Variants in ALOX15B observed in about 807,000 individuals in gnomAD.
The protein encoded by ALOX15B is polyunsaturated fatty acid lipoxygenase ALOX15B.
Under a neutral mutation model 73.8 loss-of-function variants are expected in ALOX15B, and 74 were observed. That is an observed-to-expected ratio of 1.00 (90% CI 0.83 to 1.22). The LOEUF (loss-of-function observed/expected upper bound fraction) is 1.22. Ranked by LOEUF, ALOX15B falls within the 50% of genes most tolerant of loss-of-function variation. The pLI is 0.00. For missense variants in ALOX15B, 896 were observed against 859.9 expected (o/e 1.04, Z -0.52); for synonymous variants, 353 against 357.2 (o/e 0.99, Z 0.13).
rs1381745303 is a variant in ALOX15B, at chr17:8,040,580, G to A, written c.449+597G>A. ...AAAAAAAGGAAGGAAGGAAAAGGAA[G>A]GAAAGAGAGAAAGAAAGAGAGAGAA... On this transcript the variant is annotated intron_variant, in intron 3 of 13. Coordinates refer to ENST00000380183, the MANE Select transcript of ALOX15B (RefSeq NM_001141.3). Among the ~76,000 whole-genome samples the A allele has an allele frequency of 8.7e-3, 767 of 87,732 alleles. 6 individuals are homozygous for A. The highest frequency in any genetic ancestry group is 0.034 in the African/African-American group (708 of 21,028). The allele number at this position is 87,732 out of a possible 152,430, so 57.6% of individuals were successfully genotyped here.
chr17:8,045,118 T>C, intron 6 of ALOX15B, 117 bp downstream of exon 6: 1 of 1,585,474 alleles, frequency 6.3e-7, no homozygotes, highest in Admixed American at 1.7e-5. Context: ...GCGTGCTGCG[T>C]GCCAAGCACA....
intron 3 of ALOX15B, among the ~76,000 whole-genome samples, chr17:8,041,413 C>G (rs1490001218): frequency 6.6e-6 from 1 of 152,200 alleles, no homozygotes; most frequent in African/African-American, 2.4e-5. Context: ...TTCCAACACT[C>G]TAGGCTCTTA....
chr17:8,047,596 C>G lies in ALOX15B; in HGVS notation c.1612C>G (p.Leu538Val), dbSNP rs1371642580. The change falls in exon 12 of 14, where the codon CTG becomes GTG. Residue 538 changes from leucine to valine, a missense_variant. Leu to Val is a conservative substitution (Grantham distance 32, BLOSUM62 1). Transcript: ENST00000380183. ...IPSSLETREALVQYVTMVIFT... is the reference protein window; with the variant it reads ...IPSSLETREAVVQYVTMVIFT... ...CTCCTCACTGGAGACCCGGGAAGCC[C>G]TGGTGCAGTATGTCACCATGGTGAT... The G allele has an allele frequency of 1.2e-6, 2 of 1,609,838 alleles. No individual in the cohort carries two copies. Among genetic ancestry groups the G allele is most frequent in the Non-Finnish European group, 1.7e-6 (2 of 1,178,016 alleles).
Position 8,048,737 on chromosome 17 carries a change from C to G in ALOX15B, c.*172C>G. On this transcript the variant is annotated 3_prime_UTR_variant, in exon 14 of 14. Coordinates refer to ENST00000380183, the MANE Select transcript of ALOX15B (RefSeq NM_001141.3). ...CCATACACACACACAAAAACAGAAA[C>G]AAAATCAAAACAGAGAAAGCAGAAA... 1 of 639,816 alleles carries G rather than the reference C, an allele frequency of 1.6e-6. No individual in the cohort carries two copies. Among genetic ancestry groups the G allele is most frequent in the Non-Finnish European group, 2.5e-6 (1 of 399,634 alleles). 39.6% of individuals were successfully genotyped at this position (639,816 alleles called of 1,614,324 possible).
chr17:8,047,963 G>A (rs1035851290), intron 13 of ALOX15B, 48 bp downstream of exon 13: 1 of 1,595,688 alleles, frequency 6.3e-7, no homozygotes, highest in Non-Finnish European at 8.5e-7. Context: ...GGGTAAGAGA[G>A]GGTGTGATGT....
In ALOX15B at chr17:8,040,601, G is replaced by GAGAGAGAGAGAA. The variant is rs1555638441; in HGVS notation, c.449+621_449+622insGAGAGAGAAAGA. On this transcript the variant is annotated intron_variant, in intron 3 of 13. Coordinates refer to ENST00000380183, the MANE Select transcript of ALOX15B (RefSeq NM_001141.3). ...GGAAGGAAAGAGAGAAAGAAAGAGA[G>GAGAGAGAGAGAA]AGAAAGAAAGAAAGAAAGAAAGAAA... Among the ~76,000 whole-genome samples, 20 of 109,526 alleles carry GAGAGAGAGAGAA rather than the reference G, an allele frequency of 1.8e-4. No individual in the cohort carries two copies. In the South Asian group the frequency reaches 5.5e-3, roughly 30 times the overall value. 71.9% of individuals were successfully genotyped at this position (109,526 alleles called of 152,430 possible).
At chr17:8,040,256 C>T (rs1449499125) in intron 3 of ALOX15B, among the ~76,000 whole-genome samples, 2 of 152,084 alleles carry the variant, frequency 1.3e-5, no homozygotes, top group Non-Finnish European at 2.9e-5. Context: ...AAACACTGCT[C>T]TAGGGCCAGG....
chr17:8,039,795 T>TG, intron 2 of ALOX15B, 107 bp from the exon 3 acceptor site: 1 of 1,276,700 alleles, frequency 7.8e-7, no homozygotes. Flanking sequence ...ACTGTACTTA[T>TG]GGGAGGAGGG....
At position 8,039,417 on chromosome 17, in the gene ALOX15B, A is replaced by G; in HGVS notation, c.179A>G (p.Asp60Gly). The change falls in exon 2 of 14, where the codon GAC becomes GGC. Residue 60 changes from aspartate to glycine, a missense_variant. Transcript: ENST00000380183. ...GACTTCCAGGTGACGCTCCCGGAGG[A>G]CGTAGGCCGAGTGCTGCTGCTGCGC... Reference protein sequence around the residue: ...EEDFQVTLPEDVGRVLLLRVH... With the variant: ...EEDFQVTLPEGVGRVLLLRVH... 6.2e-7 allele frequency: 1 copy of G among 1,612,838 alleles called. No homozygotes were observed.
chr17:8,046,954 C>T lies in ALOX15B; in HGVS notation c.1335C>T (p.Asn445=). The stretch of plus-strand genomic sequence containing the variant: ...GCTTCTCTGAGTTGATACAGAGGAA[C>T]ATGAAGCAGCTGAACTATTCTCTCC... ...IEGFSELIQR[N]MKQLNYSLLC... The change falls in exon 10 of 14, where the codon AAC becomes AAT. Residue 445 remains asparagine (N), a synonymous_variant. Transcript: ENST00000380183. The T allele has an allele frequency of 1.2e-6, 2 of 1,614,186 alleles. No homozygotes were observed. Among genetic ancestry groups the T allele is most frequent in the Non-Finnish European group, 1.7e-6 (2 of 1,180,036 alleles).
In ALOX15B at chr17:8,048,886, G is replaced by A. The variant is rs564045832; in HGVS notation, c.*321G>A. On this transcript the variant is annotated 3_prime_UTR_variant, in exon 14 of 14. Transcript: ENST00000380183. Reference sequence around the variant, plus strand: ...TGGTTTTGTTTTGCGTTTTACAGCCGTGGGGGGAAGCACATAATCCCGCCC... The same window carrying A: ...TGGTTTTGTTTTGCGTTTTACAGCCATGGGGGGAAGCACATAATCCCGCCC... 1.0e-4 allele frequency: 23 copies of A among 220,762 alleles called. No individual in the cohort carries two copies. The highest frequency in any genetic ancestry group is 9.4e-4 in the South Asian group (8 of 8,538). The allele number at this position is 220,762 out of a possible 1,614,324, so 13.7% of individuals were successfully genotyped here. A position where few individuals can be genotyped will look rare whatever the true frequency, so the allele number is the denominator to read the frequency against.
intron 10 of ALOX15B, 55 bp from the exon 11 acceptor site, chr17:8,047,203 A>T: frequency 6.2e-7 from 1 of 1,611,386 alleles, no homozygotes; most frequent in Non-Finnish European, 8.5e-7. Flanking sequence ...AAGCAGAGGC[A>T]TTCCTCAGAG....
At chr17:8,048,346 C>A in intron 13 of ALOX15B, 40 bp from the exon 14 acceptor site, 4 of 1,584,062 alleles carry the variant, frequency 2.5e-6, no homozygotes, top group Non-Finnish European at 3.4e-6. Flanking sequence ...GATGCAGGAC[C>A]TCAGCAGCCG....
intron 5 of ALOX15B, among the ~76,000 whole-genome samples, chr17:8,043,506 C>T (rs1422072604): frequency 6.6e-6 from 1 of 152,154 alleles, no homozygotes; most frequent in Non-Finnish European, 1.5e-5. Flanking sequence ...GCACGGGGGT[C>T]GCACAGGACT....
chr17:8,042,088 A>T lies in ALOX15B; in HGVS notation c.450-281A>T, dbSNP rs563643574. 3.3e-5 allele frequency among the ~76,000 whole-genome samples: 5 copies of T among 152,302 alleles called. No homozygotes were observed. In the South Asian group the frequency reaches 1.0e-3, roughly 32 times the overall value. On this transcript the variant is annotated intron_variant, in intron 3 of 13. Transcript: ENST00000380183. The stretch of plus-strand genomic sequence containing the variant: ...GAGACCACCTCTCTGGCTCAGCCCC[A>T]ATGGCAAATTCCCTGGAAAGGACTC...
Position 8,047,634 on chromosome 17 carries a change from C to A in ALOX15B, c.1650C>A (p.Ser550=), listed in dbSNP as rs9898751. ...TCACCATGGTGATATTCACCTGCTCCGCCAAGCATGCGGCTGTCAGTGCAG... is the reference window on the plus strand; with the variant it reads ...TCACCATGGTGATATTCACCTGCTCAGCCAAGCATGCGGCTGTCAGTGCAG... ...QYVTMVIFTC[S]AKHAAVSAGQ... is the part of the protein sequence containing the mutation. The change falls in exon 12 of 14, where the codon TCC becomes TCA. Residue 550 remains serine, a synonymous_variant. Transcript: ENST00000380183. 655,815 of 1,609,334 alleles carry A rather than the reference C, an allele frequency of 0.41. 135,757 individuals carry two copies. Among genetic ancestry groups the A allele is most frequent in the African/African-American group, 0.56 (41,927 of 74,874 alleles).
Position 8,045,487 on chromosome 17 carries a change from GC to G in ALOX15B, c.1003del (p.Gln335ArgfsTer68). The G allele has an allele frequency of 6.2e-7, 1 of 1,614,026 alleles. No individual in the cohort carries two copies. Among genetic ancestry groups the G allele is most frequent in the South Asian group, 1.1e-5 (1 of 91,080 alleles). ...GPLLPLAIQL[S>X]QTPGPNSPIF... ...TCCCCACCTGCCTCCCCCCAGCTCA[GC>G]CAGACCCCCGGCCCAAACAGCCCCA... On this transcript the variant is annotated frameshift_variant, in exon 8 of 14. Coordinates refer to ENST00000380183, the MANE Select transcript of ALOX15B (RefSeq NM_001141.3). LOFTEE classifies it high-confidence loss of function.
rs1407204243 is a variant in ALOX15B at position 8,045,662 on chromosome 17, G to A, written c.1176G>A (p.Leu392=). Residue 392 remains leucine (L), a synonymous_variant, in exon 8 of 14, where the codon CTG becomes CTA. Transcript: ENST00000380183. The part of the protein sequence containing the change: ...EVFTLATLRQ[L]PHCHPLFKLL... ...TCACCCTGGCTACCCTGCGTCAGCT[G>A]CCCCACTGCCACCCTCTCTTCAAGG... The A allele has an allele frequency of 1.9e-6, 3 of 1,613,898 alleles. No individual in the cohort carries two copies. In the African/African-American group the frequency reaches 4.0e-5, roughly 22 times the overall value.
Position 8,048,526 on chromosome 17 carries a change from C to A in ALOX15B, c.1992C>A (p.Tyr664Ter). The stretch of plus-strand genomic sequence containing the variant: ...AGGGCCTGGTGCTGCCCTACACCTA[C>A]CTAGACCCTCCCCTCATCGAGAACA... ...RNQGLVLPYT[Y>*]LDPPLIENSV... The change falls in exon 14 of 14, where the codon TAC (tyrosine) becomes TAA (stop). Residue 664 changes from tyrosine (Y) to a stop codon, truncating the protein, a stop_gained. Coordinates refer to ENST00000380183, the MANE Select transcript of ALOX15B (RefSeq NM_001141.3). LOFTEE classifies it high-confidence loss of function. 6.2e-7 allele frequency: 1 copy of A among 1,614,076 alleles called. No individual in the cohort carries two copies. Among genetic ancestry groups the A allele is most frequent in the South Asian group, 1.1e-5 (1 of 91,084 alleles).
Sources: allele counts gnomAD v4.1 joint callset (sites outside exome capture counted in the v4.1 genomes callset), GRCh38; gene constraint gnomAD v4.1.1; transcripts MANE v1.5; gene names NCBI Gene and HGNC (gene_info 2026-07-23, HGNC 2026-07-21).